STAG2: variants seen among roughly 807,000 people sequenced by gnomAD.
STAG2 encodes STAG2 cohesin complex component, also known as cohesin subunit SA-2.
A neutral mutation model predicts 108.1 loss-of-function variants in STAG2; 14 were observed. The ratio of observed to expected loss-of-function variants is 0.13; its 90% CI spans 0.09 to 0.20. The LOEUF (loss-of-function observed/expected upper bound fraction) is 0.20. Ranked by LOEUF, STAG2 falls within the 10% of genes least tolerant of loss-of-function variation. The pLI, the probability that STAG2 is intolerant of heterozygous loss-of-function variation, is 1.00. For synonymous variants in STAG2, 307 were observed against 302.7 expected (o/e 1.01, Z -0.15); for missense variants, 440 against 940.9 (o/e 0.47, Z 6.96).
chrX:124,028,984 T>TA (rs2057223566), intron 4 of STAG2, among the ~76,000 whole-genome samples: 1 of 81,315 alleles, frequency 1.2e-5, no homozygotes, highest in African/African-American at 5.3e-5. Flanking sequence ...TTTATTTTTA[T>TA]TTATATATAT....
intron 1 of STAG2, among the ~76,000 whole-genome samples, chrX:123,993,167 T>C (rs1245034205): frequency 9.0e-6 from 1 of 111,314 alleles, no homozygotes; most frequent in Non-Finnish European, 1.9e-5. Flanking sequence ...CTGTAGAAGA[T>C]AGAAAATGAA....
chrX:124,072,680 GTGT>G (rs1389793250), intron 25 of STAG2, among the ~76,000 whole-genome samples: 16 of 98,895 alleles, frequency 1.6e-4, no homozygotes, highest in Admixed American at 9.0e-4. Context: ...AGTAATTATA[GTGT>G]TGTTGTTGTT....
At chrX:124,078,829 C>T (rs766025199) in intron 27 of STAG2, among the ~76,000 whole-genome samples, 3 of 108,612 alleles carry the variant, frequency 2.8e-5, no homozygotes, top group Non-Finnish European at 3.8e-5. Flanking sequence ...ATTAGCTGGG[C>T]ATGATGATGT....
At chrX:124,002,391 A>G (rs1207593387) in intron 1 of STAG2, among the ~76,000 whole-genome samples, 3 of 111,972 alleles carry the variant, frequency 2.7e-5, no homozygotes, top group Non-Finnish European at 5.6e-5. Context: ...TGGGAGGCCA[A>G]GGCGGGAGCA....
intron 15 of STAG2, among the ~76,000 whole-genome samples, chrX:124,059,722 G>A (rs1055834340): frequency 1.8e-5 from 2 of 111,458 alleles, no homozygotes; most frequent in Non-Finnish European, 3.8e-5. Flanking sequence ...GTGCAGTGGC[G>A]TAATCATAGC....
intron 23 of STAG2, 148 bp from the exon 24 acceptor site, chrX:124,068,416 A>G (rs2058592614): frequency 7.6e-6 from 3 of 396,556 alleles, no homozygotes; most frequent in South Asian, 1.2e-4. Context: ...TTCATTTCTT[A>G]TAAATTATAA....
intron 32 of STAG2, among the ~76,000 whole-genome samples, chrX:124,093,548 T>C (rs1482154700): frequency 9.6e-6 from 1 of 104,536 alleles, no homozygotes; most frequent in Non-Finnish European, 1.9e-5. Flanking sequence ...TGTGAGTGAG[T>C]GCGCGCATGC....
At chrX:123,990,776 G>A (rs1239434187) in intron 1 of STAG2, among the ~76,000 whole-genome samples, 1 of 111,682 alleles carries the variant, frequency 9.0e-6, no homozygotes, top group Non-Finnish European at 1.9e-5. Flanking sequence ...AGTTTATCAC[G>A]ACATTCCAAA....
At chrX:124,020,636 T>C (rs190650720) in intron 1 of STAG2, among the ~76,000 whole-genome samples, 3 of 111,644 alleles carry the variant, frequency 2.7e-5, no homozygotes, top group African/African-American at 9.7e-5. Context: ...CAGTGAGCTA[T>C]GATTTGTGCC....
At chrX:124,030,832 A>G (rs2057309724) in intron 4 of STAG2, 129 bp from the exon 5 acceptor site, 1 of 666,776 alleles carries the variant, frequency 1.5e-6, no homozygotes, top group Non-Finnish European at 2.2e-6. Flanking sequence ...TCATTTTGTT[A>G]TAAGTGGATG....
At chrX:124,003,875 G>A (rs773309472) in intron 1 of STAG2, 1 of 110,249 alleles carries the variant, frequency 9.1e-6, no homozygotes, top group South Asian at 3.8e-4. Context: ...GATTTTTATT[G>A]GTTTAATATA....
chrX:124,029,002 TATATA>T (rs2148046242), intron 4 of STAG2, among the ~76,000 whole-genome samples: 1 of 98,574 alleles, frequency 1.0e-5, no homozygotes, highest in African/African-American at 3.7e-5. Flanking sequence ...TATATATATA[TATATA>T]TATATATTTA....
At chrX:123,983,984 T>C (rs1339089812) in intron 1 of STAG2, among the ~76,000 whole-genome samples, 1 of 93,959 alleles carries the variant, frequency 1.1e-5, no homozygotes, top group Non-Finnish European at 2.1e-5. Context: ...CTTTTTTTTT[T>C]TTTTTTTTTT....
At chrX:124,002,670 G>C (rs1269337614) in intron 1 of STAG2, among the ~76,000 whole-genome samples, 1 of 110,833 alleles carries the variant, frequency 9.0e-6, no homozygotes, top group African/African-American at 3.3e-5. Context: ...TGTTACCCAG[G>C]CTGGAGTGCA....
At chrX:124,081,982 T>C (rs1172239459) in intron 28 of STAG2, among the ~76,000 whole-genome samples, 2 of 112,018 alleles carry the variant, frequency 1.8e-5, no homozygotes, top group Non-Finnish European at 1.9e-5. Context: ...AGAGCGAGGC[T>C]CTGTCTCAAC....
At chrX:124,021,871 C>T in intron 2 of STAG2, among the ~76,000 whole-genome samples, 1 of 110,954 alleles carries the variant, frequency 9.0e-6, no homozygotes, top group Non-Finnish European at 1.9e-5. Flanking sequence ...TATTTTCAGG[C>T]ATCTCATATT....
intron 1 of STAG2, among the ~76,000 whole-genome samples, chrX:123,974,613 C>G (rs771176392): frequency 3.1e-5 from 3 of 97,794 alleles, no homozygotes; most frequent in East Asian, 6.4e-4. Context: ...GAGTCTCGCT[C>G]TGTCGCCCAG....
At chrX:123,977,936 G>T (rs1314576996) in intron 1 of STAG2, among the ~76,000 whole-genome samples, 1 of 99,036 alleles carries the variant, frequency 1.0e-5, no homozygotes, top group Non-Finnish European at 2.0e-5. Context: ...TTGACTTTCT[G>T]GGCTCAAGCG....
At chrX:123,970,088 C>T (rs1335169635) in intron 1 of STAG2, among the ~76,000 whole-genome samples, 6 of 103,407 alleles carry the variant, frequency 5.8e-5, no homozygotes, top group African/African-American at 2.1e-4. Context: ...TTGTGCTTTT[C>T]ATAGCCATGA....
Sources: allele counts gnomAD v4.1 joint callset (sites outside exome capture counted in the v4.1 genomes callset), GRCh38; gene constraint gnomAD v4.1.1; transcripts MANE v1.5; gene names NCBI Gene and HGNC (gene_info 2026-07-23, HGNC 2026-07-21).